The following NFRKB variants were observed in gnomAD, a reference collection of about 807,000 sequenced individuals.
NFRKB encodes the protein nuclear factor related to kappa-B-binding protein.
NFRKB carries 62 observed loss-of-function variants against 135.7 expected under a neutral mutation model. The observed-to-expected ratio is 0.46, with a 90% CI of 0.37 to 0.56. NFRKB has a LOEUF of 0.56. NFRKB is among the 20% of genes least tolerant of loss of function. The probability of loss-of-function intolerance (pLI) is 0.00; values close to 1 mark genes in which losing one functional copy is unlikely to be tolerated. For synonymous variants in NFRKB, 678 were observed against 635.6 expected, an observed-to-expected ratio of 1.07 and a Z score of -1.00; for missense variants, 1,545 against 1,662.0, an observed-to-expected ratio of 0.93 and a Z score of 1.22.
intron 24 of NFRKB, 21 bp downstream of exon 24, chr11:129,869,473 G>A (rs772606198): frequency 6.3e-7 from 1 of 1,584,790 alleles, no homozygotes; most frequent in South Asian, 1.1e-5. Context: ...GAAGGCCTAA[G>A]CTTTACCACT....
chr11:129,882,232 A>C (rs759685129), intron 10 of NFRKB, 38 bp from the exon 11 acceptor site: 97 of 1,551,030 alleles, frequency 6.3e-5, no homozygotes, highest in Non-Finnish European at 2.6e-6. Context: ...CAAAAAGACC[A>C]AGAACACATC....
rs767082915 is a variant in NFRKB at position 129,878,552 on chromosome 11, G to C, written c.1385-9C>G. Reference sequence around the variant, plus strand: ...ATTATCTTGGGATTGGCCTATTAGAGGAATAAAGAGATAAAAAAATAAGAA... The same window carrying C: ...ATTATCTTGGGATTGGCCTATTAGACGAATAAAGAGATAAAAAAATAAGAA... On this transcript the variant is annotated splice_polypyrimidine_tract_variant and intron_variant, in intron 13 of 26. Transcript: ENST00000682444. The C allele has an allele frequency of 6.2e-7, 1 of 1,607,810 alleles. No individual in the cohort carries two copies. The highest frequency in any genetic ancestry group is 8.5e-7 in the Non-Finnish European group (1 of 1,175,370).
intron 18 of NFRKB, 124 bp from the exon 19 acceptor site, chr11:129,875,040 G>T: frequency 8.0e-7 from 1 of 1,244,918 alleles, no homozygotes; most frequent in Non-Finnish European, 1.1e-6. Context: ...TCTCAGCCTA[G>T]CTGCGTATTC....
intron 7 of NFRKB, 22 bp from the exon 8 acceptor site, chr11:129,884,165 T>G: frequency 1.2e-6 from 2 of 1,607,488 alleles, no homozygotes; most frequent in Non-Finnish European, 1.7e-6. Context: ...AACCAAACCA[T>G]ATTCACTATC....
intron 23 of NFRKB, among the ~76,000 whole-genome samples, chr11:129,870,783 C>T (rs1165156569): frequency 2.6e-5 from 4 of 152,144 alleles, no homozygotes; most frequent in Non-Finnish European, 5.9e-5. Context: ...GCCTTTTAAC[C>T]TTACTCAGGG....
chr11:129,883,840 ACAGTGT>A (rs1949142276), intron 8 of NFRKB, among the ~76,000 whole-genome samples: 1 of 152,182 alleles, frequency 6.6e-6, no homozygotes, highest in Non-Finnish European at 1.5e-5. Context: ...CCTATACTCG[ACAGTGT>A]CACTGTAACG....
In NFRKB at chr11:129,885,524, C is replaced by A; in HGVS notation, c.551G>T (p.Arg184Leu). 1 of 1,614,172 alleles carries A rather than the reference C, an allele frequency of 6.2e-7. No homozygotes were observed. The highest frequency in any genetic ancestry group is 2.2e-5 in the East Asian group (1 of 44,884). ...RPSPSRTPEE[R>L]EWRTQQRYLK... ...GTAGCGCTGCTGGGTCCGCCACTCC[C>A]GCTCCTCAGGTGTGCGGGATGGTGA... Residue 184 changes from arginine to leucine, a missense_variant, in exon 6 of 27, where the codon CGG becomes CTG. Coordinates refer to ENST00000682444, the MANE Select transcript of NFRKB (RefSeq NM_001143835.2).
chr11:129,886,172 G>T (rs1386982566), intron 5 of NFRKB, 145 bp downstream of exon 5: 2 of 834,936 alleles, frequency 2.4e-6, no homozygotes, highest in African/African-American at 3.4e-5. Flanking sequence ...CATAAGAAAG[G>T]ATGGCATAGC....
At chr11:129,884,996 C>G (rs935115733) in intron 6 of NFRKB, 150 bp from the exon 7 acceptor site, 5 of 1,130,294 alleles carry the variant, frequency 4.4e-6, no homozygotes, top group Admixed American at 4.6e-5. Context: ...CCCAGAGGAG[C>G]TGGAGCACAC....
Position 129,869,685 on chromosome 11 carries a change from C to T in NFRKB, c.3340G>A (p.Gly1114Arg). The change falls in exon 24 of 27, where the codon GGG becomes AGG. Residue 1114 changes from glycine (G) to arginine (R), a missense_variant. By Grantham distance (125) the Gly-to-Arg change is moderately radical. Coordinates refer to ENST00000682444, the MANE Select transcript of NFRKB (RefSeq NM_001143835.2). ...TITVATHAKQ[G>R]ASVASGSGTV... ...CCAGACCCACTGGCCACCGAGGCCCCTTGCTTGGCGTGGGTTGCAACGGTG... is the reference window on the plus strand; with the variant it reads ...CCAGACCCACTGGCCACCGAGGCCCTTTGCTTGGCGTGGGTTGCAACGGTG... The T allele has an allele frequency of 6.2e-7, 1 of 1,614,234 alleles. No individual in the cohort carries two copies. The highest frequency in any genetic ancestry group is 8.5e-7 in the Non-Finnish European group (1 of 1,180,040).
rs183125542 is a variant in NFRKB, at chr11:129,877,003, A to C, written c.1573-108T>G. On this transcript the variant is annotated intron_variant, in intron 16 of 26. Transcript: ENST00000682444. ...ACATGGAACAATTAAAACAGGAAGG[A>C]ACAAGTGATTCTATGATTCTAGTAG... 1.2e-5 allele frequency: 13 copies of C among 1,102,166 alleles called. No homozygotes were observed. In the South Asian group the frequency reaches 2.0e-4, roughly 17 times the overall value. 68.3% of individuals were successfully genotyped at this position (1,102,166 alleles called of 1,614,324 possible).
intron 16 of NFRKB, 43 bp downstream of exon 16, chr11:129,877,281 TG>T: frequency 6.3e-7 from 1 of 1,584,482 alleles, no homozygotes; most frequent in Non-Finnish European, 8.7e-7. Flanking sequence ...TCTCTCTGCA[TG>T]GCTCACAGAG....
chr11:129,878,217 C>T, intron 15 of NFRKB, 92 bp downstream of exon 15: 1 of 1,373,328 alleles, frequency 7.3e-7, no homozygotes, highest in East Asian at 2.3e-5. Context: ...CCCATTACAG[C>T]TCTAGCATAC....
Position 129,894,458 on chromosome 11 carries a change from G to C in NFRKB, c.-101-20C>G, listed in dbSNP as rs1339011405. 6.6e-6 allele frequency: 1 copy of C among 152,188 alleles called. No homozygotes were observed. Among genetic ancestry groups the C allele is most frequent in the Non-Finnish European group, 1.5e-5 (1 of 68,036 alleles). The allele number at this position is 152,188 out of a possible 1,614,324, so 9.4% of individuals were successfully genotyped here. On this transcript the variant is annotated intron_variant, in intron 1 of 26. Transcript: ENST00000682444. ...GGAATCCTGCAATGAATAATCTCTAGATGAGTGACAGTGTGAATTACGTAA... is the reference window on the plus strand; with the variant it reads ...GGAATCCTGCAATGAATAATCTCTACATGAGTGACAGTGTGAATTACGTAA...
chr11:129,866,894 G>A (rs78466714), intron 24 of NFRKB, among the ~76,000 whole-genome samples: 4,305 of 152,224 alleles, frequency 0.028, 191 homozygotes, highest in African/African-American at 0.099. Context: ...GCACAACTGC[G>A]CGGCAGGTCC....
At chr11:129,875,277 TTGTTA>T (rs1948706639) in intron 18 of NFRKB, 75 bp downstream of exon 18, 1 of 1,169,534 alleles carries the variant, frequency 8.6e-7, no homozygotes, top group South Asian at 1.4e-5. Flanking sequence ...TTTAAAAATT[TTGTTA>T]TATTTTGTAT....
In NFRKB at chr11:129,874,636, A is replaced by C. The variant is rs1649777091; in HGVS notation, c.1979-56T>G. On this transcript the variant is annotated intron_variant, in intron 19 of 26. Transcript: ENST00000682444. The surrounding 1 kb of genome is among the most constrained non-coding windows in gnomAD (Gnocchi z 4.5). ...AGTTTAACCTTAGCAAACTAAAAAG[A>C]GGGGCTTTGTTAAAAACCAACACCT... is the stretch of plus-strand genomic sequence containing the variant. The C allele has an allele frequency of 6.2e-7, 1 of 1,607,374 alleles. No individual in the cohort carries two copies. Among genetic ancestry groups the C allele is most frequent in the Non-Finnish European group, 8.5e-7 (1 of 1,176,718 alleles).
rs150132863 is a variant in NFRKB, at chr11:129,874,229, T to C, written c.2163A>G (p.Thr721=). 484 of 1,518,876 alleles carry C rather than the reference T, an allele frequency of 3.2e-4. 1 individual carries two copies. The African/African-American group carries it at 5.7e-3, about 18-fold the overall frequency. The allele number at this position is 1,518,876 out of a possible 1,614,324, so 94.1% of individuals were successfully genotyped here. ...SDSSMPPTPV[T]PVTPTTPALP... is the part of the protein sequence containing the mutation. ...ATGCTGGTGTGGTGGGGGTTACAGG[T>C]GTGACTGGGGTGGGTGGCATACTGG... Residue 721 remains threonine, a synonymous_variant, in exon 21 of 27, where the codon ACA becomes ACG. Transcript: ENST00000682444. This position sits in a 1 kb window ranked among gnomAD's most constrained non-coding sequence, Gnocchi z 4.5.
intron 3 of NFRKB, among the ~76,000 whole-genome samples, chr11:129,891,654 C>G (rs1949564913): frequency 6.6e-6 from 1 of 152,226 alleles, no homozygotes; most frequent in Non-Finnish European, 1.5e-5. Context: ...CCATGGTACT[C>G]CACTGCCAAT....
Sources: allele counts gnomAD v4.1 joint callset (sites outside exome capture counted in the v4.1 genomes callset), GRCh38; gene constraint gnomAD v4.1.1; non-coding constraint Gnocchi (gnomAD v3.1); transcripts MANE v1.5; gene names NCBI Gene and HGNC (gene_info 2026-07-23, HGNC 2026-07-21).